MIOS: variants seen among roughly 807,000 people sequenced by gnomAD.
MIOS encodes meiosis regulator for oocyte development.
In MIOS, 52 loss-of-function variants were observed where a neutral mutation model predicts 96.9. The ratio of observed to expected loss-of-function variants is 0.54; its 90% CI spans 0.43 to 0.68. MIOS has a LOEUF of 0.68. Among genes scored for constraint, MIOS ranks in the 30% least tolerant of loss-of-function variants. MIOS has a pLI of 0.00. For synonymous variants in MIOS, 397 were observed against 359.5 expected (o/e 1.10, Z -1.18); for missense variants, 1,005 against 1,052.8 (o/e 0.95, Z 0.63).
intron 3 of MIOS, among the ~76,000 whole-genome samples, chr7:7,570,132 G>T (rs1783302097): frequency 6.6e-6 from 1 of 152,176 alleles, no homozygotes; most frequent in African/African-American, 2.4e-5. Context: ...TAAAAGAAAA[G>T]CCTCCAGCAC....
At chr7:7,585,515 C>A in intron 6 of MIOS, 121 bp from the exon 7 acceptor site, 1 of 769,100 alleles carries the variant, frequency 1.3e-6, no homozygotes, top group Non-Finnish European at 1.9e-6. Flanking sequence ...AACCCTTATT[C>A]TCTGAGCTCA....
chr7:7,573,139 G>T lies in MIOS; in HGVS notation c.664G>T (p.Val222Leu). ...DLRNTSQKMFVNTKAVQGVTV... is the reference protein window; with the variant it reads ...DLRNTSQKMFLNTKAVQGVTV... ...TCGGAATACAAGCCAAAAGATGTTC[G>T]TAAATACAAAAGCTGTTCAGGGTGT... The change falls in exon 4 of 13, where the codon GTA becomes TTA. Residue 222 changes from valine to leucine, a missense_variant. Transcript: ENST00000340080. This position sits in a 1 kb window ranked among gnomAD's most constrained non-coding sequence, Gnocchi z 5.0. The T allele has an allele frequency of 6.2e-7, 1 of 1,614,030 alleles. No homozygotes were observed. Among genetic ancestry groups the T allele is most frequent in the Non-Finnish European group, 8.5e-7 (1 of 1,179,952 alleles).
chr7:7,602,580 C>T (rs1181331771), intron 11 of MIOS, among the ~76,000 whole-genome samples: 1 of 152,200 alleles, frequency 6.6e-6, no homozygotes, highest in South Asian at 2.1e-4. Flanking sequence ...AAAGAGGATA[C>T]AAACAAATGG....
At position 7,608,543 on chromosome 7, in the gene MIOS, G is replaced by T. The variant is rs1332823623; in HGVS notation, c.*1451G>T. 10 of 151,980 alleles carry T rather than the reference G, an allele frequency of 6.6e-5. No individual in the cohort carries two copies. The highest frequency in any genetic ancestry group is 5.3e-4 in the Admixed American group (8 of 15,236). 9.4% of individuals were successfully genotyped at this position (151,980 alleles called of 1,614,324 possible). A position where few individuals can be genotyped will look rare whatever the true frequency, so the allele number is the denominator to read the frequency against. On this transcript the variant is annotated 3_prime_UTR_variant, in exon 13 of 13. Coordinates refer to ENST00000340080, the MANE Select transcript of MIOS (RefSeq NM_019005.4). ...CACCTGCATGACAGTCTTTTCAAAT[G>T]AAAGACATGGTAATTGCAATTTTTT...
chr7:7,585,687 A>C lies in MIOS; in HGVS notation c.1700A>C (p.Glu567Ala), dbSNP rs779058790. 5.6e-6 allele frequency: 9 copies of C among 1,609,286 alleles called. No homozygotes were observed. In the African/African-American group the frequency reaches 1.1e-4, roughly 19 times the overall value. ...VAMALSGYTD[E>A]KNSLWREMCS... ...ATGGCTTTATCGGGTTATACGGATG[A>C]GAAGAACTCCCTTTGGAGAGAAATG... Residue 567 changes from glutamate (E) to alanine (A), a missense_variant, in exon 7 of 13, where the codon GAG becomes GCG. By Grantham distance (107) the Glu-to-Ala change is moderately radical. Coordinates refer to ENST00000340080, the MANE Select transcript of MIOS (RefSeq NM_019005.4).
intron 8 of MIOS, 113 bp from the exon 9 acceptor site, chr7:7,589,292 C>G: frequency 2.3e-6 from 2 of 886,970 alleles, no homozygotes; most frequent in Non-Finnish European, 3.3e-6. Context: ...TTAGTAAAGT[C>G]TTTTGTTTTA....
At chr7:7,580,579 C>A (rs1372377477) in intron 5 of MIOS, among the ~76,000 whole-genome samples, 1 of 151,866 alleles carries the variant, frequency 6.6e-6, no homozygotes, top group African/African-American at 2.4e-5. Flanking sequence ...TATGTACTAA[C>A]ATGCATAATA....
At chr7:7,592,850 G>A (rs1243438589) in intron 9 of MIOS, among the ~76,000 whole-genome samples, 1 of 152,172 alleles carries the variant, frequency 6.6e-6, no homozygotes, top group Admixed American at 6.5e-5. Context: ...CCTGCTGTGT[G>A]ACCCAGTTTG....
chr7:7,584,722 G>A (rs1783830540), intron 6 of MIOS, among the ~76,000 whole-genome samples: 1 of 152,086 alleles, frequency 6.6e-6, no homozygotes, highest in Non-Finnish European at 1.5e-5. Flanking sequence ...AATAGATTAA[G>A]AAAACTTATA....
At chr7:7,597,143 C>T (rs562693233) in intron 11 of MIOS, among the ~76,000 whole-genome samples, 5 of 151,858 alleles carry the variant, frequency 3.3e-5, no homozygotes, top group East Asian at 3.9e-4. Flanking sequence ...TGGCAAACAT[C>T]GTGAAACCTC....
At chr7:7,600,607 C>G (rs1488656656) in intron 11 of MIOS, among the ~76,000 whole-genome samples, 2 of 152,146 alleles carry the variant, frequency 1.3e-5, no homozygotes, top group Non-Finnish European at 2.9e-5. Flanking sequence ...GACTCCCACA[C>G]AATAATAATG....
chr7:7,601,838 A>G (rs1784387897), intron 11 of MIOS, among the ~76,000 whole-genome samples: 2 of 152,216 alleles, frequency 1.3e-5, no homozygotes, highest in South Asian at 4.1e-4. Flanking sequence ...ATACTGGCAA[A>G]CCAAATCCAG....
rs1165592618 is a variant in MIOS, at chr7:7,589,508, A to C, written c.1988A>C (p.Glu663Ala). The stretch of plus-strand genomic sequence containing the variant: ...ACTAAAGATGGAGTGGACTTAATGG[A>C]GAGTTATGTTGATAGAACTGGAGAT... ...GLTKDGVDLM[E>A]SYVDRTGDVQ... The change falls in exon 9 of 13, where the codon GAG (glutamate) becomes GCG (alanine). Residue 663 changes from glutamate to alanine, a missense_variant. Around this residue, in one of 3 missense-constraint regions of MIOS, gnomAD observed 865 missense variants for 887.9 expected, o/e 0.97. Coordinates refer to ENST00000340080, the MANE Select transcript of MIOS (RefSeq NM_019005.4). 6.2e-7 allele frequency: 1 copy of C among 1,613,384 alleles called. No homozygotes were observed. Among genetic ancestry groups the C allele is most frequent in the African/African-American group, 1.3e-5 (1 of 74,898 alleles).
intron 4 of MIOS, 55 bp from the exon 5 acceptor site, chr7:7,574,043 T>A (rs1583624520): frequency 7.3e-7 from 1 of 1,370,896 alleles, no homozygotes; most frequent in African/African-American, 1.5e-5. Context: ...CAAAATAAAT[T>A]TAGCTTTGAA....
intron 9 of MIOS, 145 bp downstream of exon 9, chr7:7,589,708 C>T (rs1030467951): frequency 4.5e-5 from 37 of 828,292 alleles, no homozygotes; most frequent in Non-Finnish European, 6.3e-5. Flanking sequence ...CTACTGAAGA[C>T]TTGTGCCTTA....
At position 7,583,231 on chromosome 7, in the gene MIOS, G is replaced by A. The variant is rs1426141913; in HGVS notation, c.1507G>A (p.Gly503Arg). ...ACAGCTTTGTGGGTGGATAAAGAAAGGAACGGATGTAGACGTGGGGCCATT... is the reference window on the plus strand; with the variant it reads ...ACAGCTTTGTGGGTGGATAAAGAAAAGAACGGATGTAGACGTGGGGCCATT... ...ALQLCGWIKK[G>R]TDVDVGPFLN... Residue 503 changes from glycine (G) to arginine (R), a missense_variant, in exon 6 of 13, where the codon GGA becomes AGA. Around this residue, in one of 3 missense-constraint regions of MIOS, gnomAD observed 865 missense variants for 887.9 expected, o/e 0.97. Transcript: ENST00000340080. 1.2e-6 allele frequency: 2 copies of A among 1,614,136 alleles called. No homozygotes were observed. The highest frequency in any genetic ancestry group is 1.1e-5 in the South Asian group (1 of 91,082).
intron 5 of MIOS, among the ~76,000 whole-genome samples, chr7:7,578,480 AGACC>A (rs1783607528): frequency 1.3e-5 from 2 of 152,178 alleles, no homozygotes; most frequent in African/African-American, 4.8e-5. Flanking sequence ...GGTTACATAG[AGACC>A]CTGTCTCTCT....
intron 6 of MIOS, among the ~76,000 whole-genome samples, chr7:7,584,112 G>T (rs17151566): frequency 0.059 from 8,908 of 152,008 alleles, 836 homozygotes; most frequent in African/African-American, 0.2. Context: ...CTTACTTGCT[G>T]GTCCATTTTG....
At chr7:7,597,341 AAAT>A (rs1384183935) in intron 11 of MIOS, among the ~76,000 whole-genome samples, 2 of 148,752 alleles carry the variant, frequency 1.3e-5, no homozygotes, top group Non-Finnish European at 3.0e-5. Flanking sequence ...TAAAAAAAAA[AAAT>A]GTTTTTAATT....
Sources: gnomAD v4.1 joint callset for allele counts (sites outside exome capture counted in the v4.1 genomes callset) on GRCh38, gnomAD v4.1.1 for gene constraint, gnomAD v4.1.1 regional missense constraint, Gnocchi (gnomAD v3.1) non-coding constraint, MANE v1.5 for transcripts, NCBI Gene and HGNC (gene_info 2026-07-23, HGNC 2026-07-21) for gene names.